The following MCC variants were observed in gnomAD, a reference collection of about 807,000 sequenced individuals.
MCC encodes the protein MCC regulator of Wnt signaling pathway.
A neutral mutation model predicts 116.2 loss-of-function variants in MCC; 90 were observed. That is an observed-to-expected ratio of 0.77 (90% confidence interval 0.65 to 0.92). The LOEUF is 0.92. MCC is among the 40% of genes least tolerant of loss of function. The probability of loss-of-function intolerance (pLI) is 0.00; values close to 1 mark genes in which losing one functional copy is unlikely to be tolerated. For synonymous variants in MCC, 578 were observed against 510.5 expected (o/e 1.13, Z -1.78); for missense variants, 1,516 against 1,312.2 (o/e 1.16, Z -2.40).
intron 17 of MCC, among the ~76,000 whole-genome samples, chr5:113,036,666 G>A (rs371605047): frequency 1.3e-5 from 2 of 152,218 alleles, no homozygotes; most frequent in South Asian, 4.1e-4. Flanking sequence ...TCCATCTGGA[G>A]TTTTCACAGG....
chr5:113,091,359 G>A (rs1755628257), intron 8 of MCC, among the ~76,000 whole-genome samples: 1 of 152,108 alleles, frequency 6.6e-6, no homozygotes, highest in African/African-American at 2.4e-5. Context: ...TGGGAGCCCA[G>A]GTCCACAAAG....
intron 5 of MCC, among the ~76,000 whole-genome samples, chr5:113,136,073 T>C (rs1758804997): frequency 6.6e-6 from 1 of 152,018 alleles, no homozygotes; most frequent in Non-Finnish European, 1.5e-5. Flanking sequence ...AAAAATTAAG[T>C]AGGAGAAAGT....
Position 113,340,695 on chromosome 5 carries a change from C to T in MCC, c.451G>A (p.Asp151Asn), listed in dbSNP as rs1330328071. Residue 151 changes from aspartate to asparagine, a missense_variant, in exon 3 of 19, where the codon GAC becomes AAC. Physicochemically the swap from Asp to Asn is conservative, Grantham distance 23. Coordinates refer to ENST00000408903, the MANE Select transcript of MCC (RefSeq NM_001085377.2). ...CTCTGGAGGTCCCTGGCACCAGAGTCGTATTCCCAGCTCTCCCTGGCTGCT... is the reference window on the plus strand; with the variant it reads ...CTCTGGAGGTCCCTGGCACCAGAGTTGTATTCCCAGCTCTCCCTGGCTGCT... ...LSAARESWEY[D>N]SGARDLQSPD... is the part of the protein sequence containing the mutation. 1.2e-5 allele frequency: 19 copies of T among 1,613,702 alleles called. No homozygotes were observed. The highest frequency in any genetic ancestry group is 1.5e-5 in the Non-Finnish European group (18 of 1,180,028).
At chr5:113,324,685 A>C (rs930817733) in intron 3 of MCC, among the ~76,000 whole-genome samples, 21 of 152,236 alleles carry the variant, frequency 1.4e-4, no homozygotes, top group African/African-American at 5.1e-4. Flanking sequence ...ATCTAAAGGT[A>C]GCACTGGCAA....
chr5:113,486,771 G>A (rs1023428180), intron 1 of MCC, among the ~76,000 whole-genome samples: 1 of 151,972 alleles, frequency 6.6e-6, no homozygotes, highest in Non-Finnish European at 1.5e-5. Flanking sequence ...TGAACCAGGA[G>A]GCGGAGGTTG....
chr5:113,073,028 G>A (rs537696733), intron 11 of MCC, among the ~76,000 whole-genome samples: 1 of 151,890 alleles, frequency 6.6e-6, no homozygotes, highest in African/African-American at 2.4e-5. Context: ...GGGCTGCATG[G>A]GGCCCAACAC....
At chr5:113,478,072 A>G (rs927346928) in intron 1 of MCC, among the ~76,000 whole-genome samples, 1 of 152,230 alleles carries the variant, frequency 6.6e-6, no homozygotes, top group Non-Finnish European at 1.5e-5. Context: ...ATACAATATG[A>G]AAAATGCAAT....
intron 2 of MCC, among the ~76,000 whole-genome samples, chr5:113,366,212 T>A (rs1649891050): frequency 6.6e-6 from 1 of 152,226 alleles, no homozygotes; most frequent in South Asian, 2.1e-4. Flanking sequence ...CTTTTTTGAA[T>A]CTGCTTTGTC....
At position 113,218,695 on chromosome 5, in the gene MCC, G is replaced by C. The variant is rs187828581; in HGVS notation, c.628-67273C>G. Among the ~76,000 whole-genome samples the C allele has an allele frequency of 4.7e-3, 712 of 152,276 alleles. 3 individuals carry two copies. The highest frequency in any genetic ancestry group is 7.4e-3 in the Non-Finnish European group (502 of 68,030). On this transcript the variant is annotated intron_variant, in intron 3 of 18. Coordinates refer to ENST00000408903, the MANE Select transcript of MCC (RefSeq NM_001085377.2). ...CAAATGGAACTCAATACAGATTTTA[G>C]AATATAAATATCCTCTCAGGCATTT...
At chr5:113,145,760 A>C (rs1394699086) in intron 4 of MCC, among the ~76,000 whole-genome samples, 1 of 90,294 alleles carries the variant, frequency 1.1e-5, no homozygotes, top group East Asian at 4.0e-4. Flanking sequence ...ACACACACAC[A>C]CACACACACA....
intron 3 of MCC, among the ~76,000 whole-genome samples, chr5:113,156,091 G>T (rs1055365969): frequency 1.3e-5 from 2 of 152,158 alleles, no homozygotes; most frequent in African/African-American, 4.8e-5. Flanking sequence ...GAGCAGAAAG[G>T]TGCCTCAGTC....
intron 1 of MCC, among the ~76,000 whole-genome samples, chr5:113,441,270 G>A (rs1771032080): frequency 6.6e-6 from 1 of 152,126 alleles, no homozygotes; most frequent in South Asian, 2.1e-4. Flanking sequence ...AGGAGGCGGA[G>A]GTTACAGTGA....
intron 10 of MCC, 59 bp from the exon 11 acceptor site, chr5:113,083,067 G>C (rs1754971204): frequency 2.0e-6 from 3 of 1,494,650 alleles, no homozygotes; most frequent in East Asian, 4.6e-5. Flanking sequence ...TGCATGTTTT[G>C]CATGCAAAAG....
intron 3 of MCC, among the ~76,000 whole-genome samples, chr5:113,266,727 G>GC (rs1363039214): frequency 6.6e-6 from 1 of 151,650 alleles, no homozygotes; most frequent in African/African-American, 2.4e-5. Context: ...AAGCTTTTTT[G>GC]CACACCTTGT....
chr5:113,149,363 G>A lies in MCC; in HGVS notation c.741+1946C>T, dbSNP rs528569989. On this transcript the variant is annotated intron_variant, in intron 4 of 18. Coordinates refer to ENST00000408903, the MANE Select transcript of MCC (RefSeq NM_001085377.2). ...ATTTTATTACTTTTATAATCAGAAG[G>A]AAAATATTTTAAGTAACATTTTCAT... 2.6e-3 allele frequency among the ~76,000 whole-genome samples: 396 copies of A among 151,908 alleles called. 2 individuals carry two copies. The highest frequency in any genetic ancestry group is 7.9e-3 in the African/African-American group (328 of 41,456).
chr5:113,434,294 C>T lies in MCC; in HGVS notation c.171-49082G>A, dbSNP rs1327336153. Reference sequence around the variant, plus strand: ...GAATGCCCTGCAGCACCTCTGGGGCCGCATACGCTGGTGACCCACAGAAGG... The same window carrying T: ...GAATGCCCTGCAGCACCTCTGGGGCTGCATACGCTGGTGACCCACAGAAGG... On this transcript the variant is annotated intron_variant, in intron 1 of 18. Transcript: ENST00000408903. This position sits in a 1 kb window ranked among gnomAD's most constrained non-coding sequence, Gnocchi z 4.2. The T allele has an allele frequency of 1.7e-5, 28 of 1,613,974 alleles. No individual in the cohort carries two copies. Among genetic ancestry groups the T allele is most frequent in the Middle Eastern group, 1.6e-4 (1 of 6,084 alleles).
At chr5:113,098,019 A>G (rs1274314365) in intron 8 of MCC, among the ~76,000 whole-genome samples, 1 of 152,210 alleles carries the variant, frequency 6.6e-6, no homozygotes, top group Non-Finnish European at 1.5e-5. Context: ...TATGACATGA[A>G]CATGCAGAAG....
chr5:113,236,224 A>T (rs1338985450), intron 3 of MCC, among the ~76,000 whole-genome samples: 1 of 152,188 alleles, frequency 6.6e-6, no homozygotes, highest in Non-Finnish European at 1.5e-5. Context: ...ATATTGCTGC[A>T]TTTGCAGCAT....
intron 11 of MCC, among the ~76,000 whole-genome samples, chr5:113,074,026 G>A (rs889802143): frequency 2.0e-5 from 3 of 152,344 alleles, no homozygotes; most frequent in Admixed American, 1.3e-4. Flanking sequence ...GCTATGAAGA[G>A]AGCAGTGGTT....
Sources: gnomAD v4.1 joint callset for allele counts (sites outside exome capture counted in the v4.1 genomes callset) on GRCh38, gnomAD v4.1.1 for gene constraint, Gnocchi (gnomAD v3.1) non-coding constraint, MANE v1.5 for transcripts, NCBI Gene and HGNC (gene_info 2026-07-23, HGNC 2026-07-21) for gene names.